GALNTL6: variants seen among roughly 807,000 people sequenced by gnomAD.
GALNTL6 encodes polypeptide N-acetylgalactosaminyltransferase-like 6.
A neutral mutation model predicts 73.7 loss-of-function variants in GALNTL6; 46 were observed. The observed-to-expected ratio is 0.62, with a 90% CI of 0.49 to 0.80. GALNTL6 has a LOEUF of 0.80. Among genes scored for constraint, GALNTL6 ranks in the 30% least tolerant of loss-of-function variants. GALNTL6 has a pLI of 0.00. For synonymous variants in GALNTL6, 259 were observed against 263.7 expected (o/e 0.98, Z 0.17); for missense variants, 604 against 755.0 (o/e 0.80, Z 2.34).
At chr4:171,913,562 A>G (rs1487691657) in intron 2 of GALNTL6, among the ~76,000 whole-genome samples, 2 of 152,252 alleles carry the variant, frequency 1.3e-5, no homozygotes, top group Admixed American at 6.5e-5. Flanking sequence ...TATTCAAAGC[A>G]AACCATTTTT....
intron 5 of GALNTL6, among the ~76,000 whole-genome samples, chr4:172,796,113 A>C (rs1740248915): frequency 6.6e-6 from 1 of 151,424 alleles, no homozygotes; most frequent in Non-Finnish European, 1.5e-5. Context: ...CCTTCTTTCC[A>C]GTTTCCTATA....
chr4:172,185,712 T>G (rs1735395842), intron 2 of GALNTL6, among the ~76,000 whole-genome samples: 1 of 152,324 alleles, frequency 6.6e-6, no homozygotes, highest in African/African-American at 2.4e-5. Context: ...GTTAGCTAAT[T>G]TCTAAGTCAT....
At position 172,617,042 on chromosome 4, in the gene GALNTL6, C is replaced by T. The variant is rs549582273; in HGVS notation, c.554-192319C>T. Among the ~76,000 whole-genome samples the T allele has an allele frequency of 3.4e-4, 52 of 151,898 alleles. No individual in the cohort carries two copies. The South Asian group carries it at 1.0e-2, about 29-fold the overall frequency. Reference sequence around the variant, plus strand: ...TAGCAGAGGAGAAGGTAAAATGTTTCGCATTTTTTTTTTGTATGGTAATCC... The same window carrying T: ...TAGCAGAGGAGAAGGTAAAATGTTTTGCATTTTTTTTTTGTATGGTAATCC... On this transcript the variant is annotated intron_variant, in intron 5 of 12. Transcript: ENST00000506823.
intron 10 of GALNTL6, among the ~76,000 whole-genome samples, chr4:172,955,839 G>A (rs558800373): frequency 1.6e-4 from 24 of 152,080 alleles, no homozygotes; most frequent in African/African-American, 4.6e-4. Flanking sequence ...TTCTCTGGCT[G>A]GCACGGGTGG....
In GALNTL6 at chr4:172,260,349, T is replaced by C. The variant is rs948656522; in HGVS notation, c.247+30585T>C. ...TATATTCCTAAGTATTTTAATTATG[T>C]ATTTATTTTTGCAGTTATTATAAAA... On this transcript the variant is annotated intron_variant, in intron 3 of 12. Coordinates refer to ENST00000506823, the MANE Select transcript of GALNTL6 (RefSeq NM_001034845.3). Among the ~76,000 whole-genome samples the C allele has an allele frequency of 5.3e-5, 8 of 151,584 alleles. 1 individual carries two copies. Among genetic ancestry groups the C allele is most frequent in the African/African-American group, 1.9e-4 (8 of 41,392 alleles).
intron 2 of GALNTL6, among the ~76,000 whole-genome samples, chr4:172,142,133 A>T (rs1224034650): frequency 6.6e-6 from 1 of 152,034 alleles, no homozygotes; most frequent in Non-Finnish European, 1.5e-5. Context: ...AAATTATAGA[A>T]ATAAATATTG....
At chr4:172,126,099 T>A (rs1056953225) in intron 2 of GALNTL6, among the ~76,000 whole-genome samples, 4 of 152,156 alleles carry the variant, frequency 2.6e-5, no homozygotes, top group African/African-American at 4.8e-5. Flanking sequence ...TTATCAGTAT[T>A]ATCTAGATAA....
At chr4:172,434,194 T>C (rs1029502994) in intron 5 of GALNTL6, among the ~76,000 whole-genome samples, 1 of 152,256 alleles carries the variant, frequency 6.6e-6, no homozygotes, top group Admixed American at 6.6e-5. Flanking sequence ...TTATGGGATA[T>C]AGATTCTAGT....
At chr4:172,847,894 T>C (rs761661651) in intron 7 of GALNTL6, among the ~76,000 whole-genome samples, 1 of 152,202 alleles carries the variant, frequency 6.6e-6, no homozygotes, top group Non-Finnish European at 1.5e-5. Flanking sequence ...TTCACCCAGC[T>C]TTCTTCCTCT....
chr4:171,884,000 T>G (rs1370502797), intron 2 of GALNTL6, among the ~76,000 whole-genome samples: 1 of 152,236 alleles, frequency 6.6e-6, no homozygotes, highest in Non-Finnish European at 1.5e-5. Flanking sequence ...CAAAAATGTG[T>G]AAACATTTAT....
At chr4:172,847,793 A>G (rs1284443039) in intron 7 of GALNTL6, among the ~76,000 whole-genome samples, 5 of 152,136 alleles carry the variant, frequency 3.3e-5, no homozygotes, top group African/African-American at 2.4e-5. Flanking sequence ...GTATGAGGAC[A>G]TCTATGTAAA....
At chr4:173,027,111 C>T (rs529153294) in intron 12 of GALNTL6, among the ~76,000 whole-genome samples, 10 of 152,234 alleles carry the variant, frequency 6.6e-5, no homozygotes, top group African/African-American at 2.4e-4. Context: ...CCTCAGCCTC[C>T]CCAAGTAGCT....
At chr4:172,573,253 C>A (rs1736832324) in intron 5 of GALNTL6, among the ~76,000 whole-genome samples, 1 of 152,100 alleles carries the variant, frequency 6.6e-6, no homozygotes, top group South Asian at 2.1e-4. Flanking sequence ...TCATTGTTGA[C>A]AATGTACTGG....
At chr4:172,238,391 C>A (rs1161853997) in intron 3 of GALNTL6, among the ~76,000 whole-genome samples, 1 of 151,926 alleles carries the variant, frequency 6.6e-6, no homozygotes, top group African/African-American at 2.4e-5. Context: ...TCTTAATTTG[C>A]CTCTCAGCTT....
intron 5 of GALNTL6, among the ~76,000 whole-genome samples, chr4:172,421,874 CTTTG>C (rs1261275544): frequency 6.6e-6 from 1 of 152,028 alleles, no homozygotes; most frequent in African/African-American, 2.4e-5. Flanking sequence ...TAAATTCATT[CTTTG>C]TTGTTATTTG....
At chr4:172,048,859 C>G (rs554220145) in intron 2 of GALNTL6, among the ~76,000 whole-genome samples, 2 of 152,280 alleles carry the variant, frequency 1.3e-5, no homozygotes, top group East Asian at 3.9e-4. Flanking sequence ...GACAGCTCAA[C>G]CAGACTTAAT....
chr4:172,959,064 C>T lies in GALNTL6; in HGVS notation c.1371+6806C>T, dbSNP rs191496081. Among the ~76,000 whole-genome samples, 592 of 152,130 alleles carry T rather than the reference C, an allele frequency of 3.9e-3. 3 individuals carry two copies. Among genetic ancestry groups the T allele is most frequent in the African/African-American group, 0.014 (562 of 41,492 alleles). ...CTTTAAAAGGCCATGCTGTAGCAGG[C>T]GAGTGATAACAGGCTTTAATCCTTT... On this transcript the variant is annotated intron_variant, in intron 10 of 12. Coordinates refer to ENST00000506823, the MANE Select transcript of GALNTL6 (RefSeq NM_001034845.3).
At position 172,079,034 on chromosome 4, in the gene GALNTL6, T is replaced by A. The variant is rs144158621; in HGVS notation, c.139-150622T>A. 4.7e-3 allele frequency among the ~76,000 whole-genome samples: 717 copies of A among 152,246 alleles called. 2 individuals are homozygous for A. The highest frequency in any genetic ancestry group is 0.017 in the Middle Eastern group (5 of 294). ...AAATGTATGTTTATGCACACATGTA[T>A]GCATGCAAATATATAGCCATACATA... On this transcript the variant is annotated intron_variant, in intron 2 of 12. Transcript: ENST00000506823.
chr4:172,266,647 A>G (rs1738462376), intron 3 of GALNTL6, among the ~76,000 whole-genome samples: 1 of 151,892 alleles, frequency 6.6e-6, no homozygotes, highest in Non-Finnish European at 1.5e-5. Flanking sequence ...TAATACCAGT[A>G]AAAACATTAT....
Sources: allele counts gnomAD v4.1 joint callset (sites outside exome capture counted in the v4.1 genomes callset), GRCh38; gene constraint gnomAD v4.1.1; transcripts MANE v1.5; gene names NCBI Gene and HGNC (gene_info 2026-07-23, HGNC 2026-07-21).